The following DGKB variants were observed in gnomAD, a reference collection of about 807,000 sequenced individuals.
DGKB encodes the protein 90 kDa diacylglycerol kinase.
Under a neutral mutation model 114.3 loss-of-function variants are expected in DGKB, and 67 were observed. The ratio of observed to expected loss-of-function variants is 0.59; its 90% confidence interval spans 0.48 to 0.72. The LOEUF (loss-of-function observed/expected upper bound fraction) is 0.72. Ranked by LOEUF, DGKB falls within the 30% of genes least tolerant of loss-of-function variation. The probability of loss-of-function intolerance (pLI) is 0.00; values close to 1 mark genes in which losing one functional copy is unlikely to be tolerated. For synonymous variants in DGKB, 398 were observed against 323.1 expected, an observed-to-expected ratio of 1.23 and a Z score of -2.49; for missense variants, 907 against 975.2, an observed-to-expected ratio of 0.93 and a Z score of 0.93.
In DGKB at chr7:14,892,983, T is replaced by A. The variant is rs143051762; in HGVS notation, c.-188+9609A>T. ...GTGTATATATACATACATATATAGA[T>A]GTATGTATATATGTATATATGTGTA... is the stretch of plus-strand genomic sequence containing the variant. On this transcript the variant is annotated intron_variant, in intron 1 of 25. Transcript: ENST00000402815. Among the ~76,000 whole-genome samples the A allele has an allele frequency of 7.7e-3, 1,159 of 151,006 alleles. 11 individuals are homozygous for A. The highest frequency in any genetic ancestry group is 0.027 in the African/African-American group (1,107 of 41,328).
intron 9 of DGKB, among the ~76,000 whole-genome samples, chr7:14,688,969 T>G (rs931569638): frequency 1.4e-4 from 22 of 152,024 alleles, no homozygotes; most frequent in Admixed American, 5.2e-4. Flanking sequence ...TATAAATAAT[T>G]TTTTTTCAGA....
intron 1 of DGKB, among the ~76,000 whole-genome samples, chr7:14,861,342 A>T (rs1259602774): frequency 6.6e-6 from 1 of 151,988 alleles, no homozygotes; most frequent in Non-Finnish European, 1.5e-5. Flanking sequence ...TTTCAATATA[A>T]TCCATATTTA....
intron 1 of DGKB, among the ~76,000 whole-genome samples, chr7:14,899,194 C>T (rs1047704725): frequency 6.6e-5 from 10 of 152,214 alleles, no homozygotes; most frequent in Non-Finnish European, 1.2e-4. Flanking sequence ...TTAAAGATGG[C>T]TTTTGCTTCC....
At chr7:14,263,617 T>G (rs1797082592) in intron 23 of DGKB, among the ~76,000 whole-genome samples, 1 of 152,186 alleles carries the variant, frequency 6.6e-6, no homozygotes, top group Admixed American at 6.5e-5. Flanking sequence ...GTGGCCACCT[T>G]CAGAAGAGCA....
chr7:14,642,870 C>T (rs1300202029), intron 13 of DGKB, among the ~76,000 whole-genome samples: 1 of 152,112 alleles, frequency 6.6e-6, no homozygotes, highest in Non-Finnish European at 1.5e-5. Context: ...TAGAATCAGA[C>T]ATATATAATA....
intron 4 of DGKB, among the ~76,000 whole-genome samples, chr7:14,736,583 G>A (rs921749881): frequency 2.6e-5 from 4 of 152,116 alleles, no homozygotes; most frequent in Non-Finnish European, 5.9e-5. Flanking sequence ...CCAATACAGA[G>A]TCATATAAAC....
At chr7:14,253,138 G>A (rs975485487) in intron 23 of DGKB, among the ~76,000 whole-genome samples, 27 of 151,838 alleles carry the variant, frequency 1.8e-4, no homozygotes, top group African/African-American at 4.8e-4. Flanking sequence ...GGGTTCAAGC[G>A]ATTCTCCTGT....
At chr7:14,471,121 C>T (rs143467181) in intron 21 of DGKB, among the ~76,000 whole-genome samples, 32 of 149,016 alleles carry the variant, frequency 2.1e-4, no homozygotes, top group African/African-American at 7.8e-4. Flanking sequence ...AAAAAAAATA[C>T]ACAGGTTTGA....
chr7:14,874,201 G>A (rs1460749025), intron 1 of DGKB, among the ~76,000 whole-genome samples: 5 of 152,006 alleles, frequency 3.3e-5, no homozygotes, highest in African/African-American at 1.2e-4. Flanking sequence ...CAAATTCAGA[G>A]CCTGATATTC....
At chr7:14,543,567 G>C (rs1398078251) in intron 20 of DGKB, among the ~76,000 whole-genome samples, 3 of 152,176 alleles carry the variant, frequency 2.0e-5, no homozygotes, top group Non-Finnish European at 2.9e-5. Flanking sequence ...AATACCAGCT[G>C]CACGAACTTG....
intron 9 of DGKB, among the ~76,000 whole-genome samples, chr7:14,689,655 A>AT (rs1233542085): frequency 6.6e-6 from 1 of 152,100 alleles, no homozygotes; most frequent in Non-Finnish European, 1.5e-5. Context: ...CCACGTAGTC[A>AT]TTTTTCTTAA....
At chr7:14,517,370 G>C (rs1289246976) in intron 20 of DGKB, among the ~76,000 whole-genome samples, 1 of 151,864 alleles carries the variant, frequency 6.6e-6, no homozygotes, top group Admixed American at 6.6e-5. Context: ...GACAGCCTAG[G>C]GAATACCATT....
chr7:14,807,665 A>G (rs1842938400), intron 2 of DGKB, among the ~76,000 whole-genome samples: 1 of 152,030 alleles, frequency 6.6e-6, no homozygotes, highest in South Asian at 2.1e-4. Context: ...AAATAGCTCA[A>G]CATGCATCCT....
At chr7:14,562,797 T>C (rs901385091) in intron 20 of DGKB, among the ~76,000 whole-genome samples, 15 of 152,190 alleles carry the variant, frequency 9.9e-5, no homozygotes, top group African/African-American at 3.6e-4. Flanking sequence ...TGCCTTGTTT[T>C]AGATTAGACT....
chr7:14,948,828 T>C (rs1786019480), intron 1 of DGKB, among the ~76,000 whole-genome samples: 1 of 151,768 alleles, frequency 6.6e-6, no homozygotes, highest in African/African-American at 2.4e-5. Context: ...AAAGGGAATC[T>C]AGAAGATATG....
chr7:14,605,942 T>C (rs901981023), intron 17 of DGKB, among the ~76,000 whole-genome samples: 9 of 152,108 alleles, frequency 5.9e-5, no homozygotes, highest in Non-Finnish European at 8.8e-5. Flanking sequence ...GATAAGATAA[T>C]GAAGCCACAC....
chr7:14,854,467 G>C (rs1025136395), intron 1 of DGKB, among the ~76,000 whole-genome samples: 6 of 152,114 alleles, frequency 3.9e-5, no homozygotes, highest in African/African-American at 9.7e-5. Flanking sequence ...GTTATGGAGT[G>C]GGGGAGATGG....
intron 16 of DGKB, among the ~76,000 whole-genome samples, chr7:14,612,359 C>A (rs528332756): frequency 2.6e-5 from 4 of 151,590 alleles, no homozygotes; most frequent in Non-Finnish European, 5.9e-5. Context: ...TTAGTAGAGA[C>A]GGGGTTTCAC....
intron 2 of DGKB, among the ~76,000 whole-genome samples, chr7:14,806,808 C>T (rs866276757): frequency 1.3e-5 from 2 of 151,810 alleles, no homozygotes; most frequent in South Asian, 2.1e-4. Context: ...GATCATTTTG[C>T]TCCAGAAGTC....
Sources: allele counts gnomAD v4.1 joint callset (sites outside exome capture counted in the v4.1 genomes callset), GRCh38; gene constraint gnomAD v4.1.1; transcripts MANE v1.5; gene names NCBI Gene and HGNC (gene_info 2026-07-23, HGNC 2026-07-21).